ANKRD17: variants seen among roughly 807,000 people sequenced by gnomAD.
ANKRD17 encodes the protein ankyrin repeat domain 17.
In ANKRD17, 19 loss-of-function variants were observed where a neutral mutation model predicts 229.7. That is an observed-to-expected ratio of 0.08 (90% confidence interval 0.06 to 0.12). The LOEUF is 0.12. Among genes scored for constraint, ANKRD17 ranks in the 10% least tolerant of loss-of-function variants. The probability of loss-of-function intolerance (pLI) is 1.00; values close to 1 mark genes in which losing one functional copy is unlikely to be tolerated. For synonymous variants in ANKRD17, 1,112 were observed against 1,146.1 expected (o/e 0.97, Z 0.60); for missense variants, 2,176 against 3,176.8 (o/e 0.68, Z 7.57).
At chr4:73,219,287 T>G (rs1180444183) in intron 1 of ANKRD17, among the ~76,000 whole-genome samples, 1 of 152,198 alleles carries the variant, frequency 6.6e-6, no homozygotes, top group African/African-American at 2.4e-5. Context: ...TGGTATAGTA[T>G]AGAAATGATG....
intron 1 of ANKRD17, among the ~76,000 whole-genome samples, chr4:73,236,094 T>C (rs1225940840): frequency 6.6e-6 from 1 of 152,156 alleles, no homozygotes; most frequent in Non-Finnish European, 1.5e-5. Flanking sequence ...GCTACTGTTG[T>C]GATTACTGGG....
intron 22 of ANKRD17, among the ~76,000 whole-genome samples, chr4:73,116,990 G>A (rs1019537740): frequency 3.3e-5 from 5 of 151,790 alleles, no homozygotes; most frequent in Admixed American, 6.6e-5. Context: ...AGTCTATCTG[G>A]AAAGATATAT....
intron 1 of ANKRD17, among the ~76,000 whole-genome samples, chr4:73,244,637 T>C (rs1010183676): frequency 2.6e-5 from 4 of 152,080 alleles, no homozygotes; most frequent in South Asian, 2.1e-4. Flanking sequence ...GAGTAGCACA[T>C]AAAAGAATAA....
At chr4:73,218,229 A>G (rs1422033377) in intron 1 of ANKRD17, among the ~76,000 whole-genome samples, 12 of 152,238 alleles carry the variant, frequency 7.9e-5, no homozygotes, top group Non-Finnish European at 1.5e-5. Flanking sequence ...CATAAGGGAT[A>G]TCCGCTTTTT....
chr4:73,209,161 G>A (rs1055481328), intron 1 of ANKRD17, among the ~76,000 whole-genome samples: 4 of 152,270 alleles, frequency 2.6e-5, no homozygotes, highest in Middle Eastern at 3.4e-3. Context: ...AGCCAAGATC[G>A]TGCCACTGCA....
intron 1 of ANKRD17, among the ~76,000 whole-genome samples, chr4:73,200,985 GGC>G (rs1262300451): frequency 4.8e-5 from 5 of 104,444 alleles, no homozygotes; most frequent in Non-Finnish European, 7.9e-5. Flanking sequence ...AAACAGTATG[GGC>G]GGGGGGGGGG....
chr4:73,159,515 G>C (rs1270723103), intron 3 of ANKRD17, among the ~76,000 whole-genome samples: 1 of 152,180 alleles, frequency 6.6e-6, no homozygotes, highest in African/African-American at 2.4e-5. Context: ...GTGGCACATA[G>C]TACTCACTGC....
intron 16 of ANKRD17, among the ~76,000 whole-genome samples, chr4:73,129,609 C>G (rs1578137483): frequency 6.6e-6 from 1 of 151,968 alleles, no homozygotes; most frequent in East Asian, 1.9e-4. Flanking sequence ...CATAGCTACT[C>G]ATGAGTTTGG....
Position 73,135,097 on chromosome 4 carries a change from C to G in ANKRD17, c.3234+20G>C. On this transcript the variant is annotated intron_variant, in intron 16 of 33. Coordinates refer to ENST00000358602, the MANE Select transcript of ANKRD17 (RefSeq NM_032217.5). The stretch of plus-strand genomic sequence containing the variant: ...CATAATTCCAATGAAAAAACCATCT[C>G]TCTTAAGTTTGGGACTTACCTGTGC... 6.2e-7 allele frequency: 1 copy of G among 1,600,716 alleles called. No homozygotes were observed. Among genetic ancestry groups the G allele is most frequent in the Non-Finnish European group, 8.5e-7 (1 of 1,171,400 alleles).
chr4:73,113,873 T>G lies in ANKRD17; in HGVS notation c.4320A>C (p.Ser1440=). 6.2e-7 allele frequency: 1 copy of G among 1,613,612 alleles called. No homozygotes were observed. Among genetic ancestry groups the G allele is most frequent in the Non-Finnish European group, 8.5e-7 (1 of 1,179,766 alleles). The stretch of plus-strand genomic sequence containing the variant: ...CCTGTCTATCTTTGGCTTGTACTAT[T>G]GACTCCATACAAAGATGACACTTCT... The part of the protein sequence containing the change: ...MLKKCHLCME[S]IVQAKDRQAA... The change falls in exon 24 of 34, where the codon TCA becomes TCC. Residue 1440 remains serine (S), a synonymous_variant. Transcript: ENST00000358602.
intron 1 of ANKRD17, among the ~76,000 whole-genome samples, chr4:73,192,349 AAAAAAC>A (rs942711637): frequency 2.6e-5 from 4 of 152,230 alleles, no homozygotes; most frequent in Admixed American, 2.0e-4. Flanking sequence ...CCTGAAGCAA[AAAAAAC>A]AAAAACAAAA....
At chr4:73,257,241 A>C (rs1270599679) in intron 1 of ANKRD17, among the ~76,000 whole-genome samples, 1 of 152,250 alleles carries the variant, frequency 6.6e-6, no homozygotes. Flanking sequence ...GTGGTAAAAC[A>C]GCTAATAACT....
At chr4:73,136,439 G>T (rs1443442031) in intron 15 of ANKRD17, among the ~76,000 whole-genome samples, 5 of 151,998 alleles carry the variant, frequency 3.3e-5, no homozygotes, top group African/African-American at 4.8e-5. Context: ...TATTTTACAT[G>T]AAATCCTTAG....
Position 73,125,078 on chromosome 4 carries a change from T to A in ANKRD17, c.3347-20A>T. The A allele has an allele frequency of 6.2e-7, 1 of 1,613,622 alleles. No individual in the cohort carries two copies. ...TAAAACCTGGAGAAAAATAATGATC[T>A]TCTCACTACATGCTAAGGCAAAAGA... On this transcript the variant is annotated intron_variant, in intron 17 of 33. Coordinates refer to ENST00000358602, the MANE Select transcript of ANKRD17 (RefSeq NM_032217.5).
intron 24 of ANKRD17, among the ~76,000 whole-genome samples, chr4:73,106,160 C>T (rs926302763): frequency 2.6e-5 from 4 of 152,098 alleles, no homozygotes; most frequent in Admixed American, 1.3e-4. Flanking sequence ...AGGAGAATGG[C>T]GTGAACCTGG....
chr4:73,092,618 A>T (rs1460404453), intron 28 of ANKRD17, among the ~76,000 whole-genome samples: 2 of 152,226 alleles, frequency 1.3e-5, no homozygotes, highest in Non-Finnish European at 2.9e-5. Flanking sequence ...TGTAAAATAC[A>T]CTACAGTTAG....
At position 73,102,451 on chromosome 4, in the gene ANKRD17, C is replaced by T. The variant is rs768609542; in HGVS notation, c.4498G>A (p.Glu1500Lys). 5 of 1,607,394 alleles carry T rather than the reference C, an allele frequency of 3.1e-6. No individual in the cohort carries two copies. The highest frequency in any genetic ancestry group is 4.2e-6 in the Non-Finnish European group (5 of 1,178,348). ...KKKEEQRRKL[E>K]EIEAKNKENF... The stretch of plus-strand genomic sequence containing the variant: ...TCTTTATTTTTGGCTTCAATTTCTT[C>T]TAGTTTCCTTCTTTGTTCTTCCTTT... The change falls in exon 25 of 34, where the codon GAA becomes AAA. Residue 1500 changes from glutamate to lysine, a missense_variant. Around this residue, in one of 18 missense-constraint regions of ANKRD17, gnomAD observed 14 missense variants for 36.1 expected, o/e 0.39. Transcript: ENST00000358602.
At chr4:73,197,921 T>C (rs1738118833) in intron 1 of ANKRD17, among the ~76,000 whole-genome samples, 1 of 152,210 alleles carries the variant, frequency 6.6e-6, no homozygotes, top group Non-Finnish European at 1.5e-5. Context: ...TGGCTTGTAT[T>C]CAACTATGTT....
chr4:73,105,331 C>CAT, intron 24 of ANKRD17, among the ~76,000 whole-genome samples: 1 of 151,140 alleles, frequency 6.6e-6, no homozygotes, highest in East Asian at 1.9e-4. Flanking sequence ...TACATACACA[C>CAT]ATACACCTAC....
Sources: allele counts gnomAD v4.1 joint callset (sites outside exome capture counted in the v4.1 genomes callset), GRCh38; gene constraint gnomAD v4.1.1; regional missense constraint gnomAD v4.1.1; transcripts MANE v1.5; gene names NCBI Gene and HGNC (gene_info 2026-07-23, HGNC 2026-07-21).